The following ULK3 variants were observed in gnomAD, a reference collection of about 807,000 sequenced individuals.
The protein encoded by ULK3 is unc-51 like kinase 3.
ULK3 carries 54 observed loss-of-function variants against 69.4 expected under a neutral mutation model. That is an observed-to-expected ratio of 0.78 (90% CI 0.63 to 0.98). The LOEUF (loss-of-function observed/expected upper bound fraction) is 0.98, where lower values mean the gene tolerates loss of function less well. ULK3 is among the 50% of genes least tolerant of loss of function. The pLI is 0.00. For synonymous variants in ULK3, 240 were observed against 254.5 expected (o/e 0.94, Z 0.54); for missense variants, 558 against 627.7 (o/e 0.89, Z 1.19).
At position 74,836,866 on chromosome 15, in the gene ULK3, G is replaced by A. The variant is rs1031821960; in HGVS notation, c.*362C>T. ...TGCTGGCAGGGCGAGGGCAAGCACA[G>A]AAGTACCCTGCGGGGGCCCCTTGCC... is the stretch of plus-strand genomic sequence containing the variant. On this transcript the variant is annotated 3_prime_UTR_variant, in exon 16 of 16. Transcript: ENST00000440863. This position sits in a 1 kb window ranked among gnomAD's most constrained non-coding sequence, Gnocchi z 4.0. 1.9e-5 allele frequency: 4 copies of A among 208,214 alleles called. No individual in the cohort carries two copies. Among genetic ancestry groups the A allele is most frequent in the African/African-American group, 4.6e-5 (2 of 43,656 alleles). 12.9% of individuals were successfully genotyped at this position (208,214 alleles called of 1,614,324 possible).
At position 74,842,276 on chromosome 15, in the gene ULK3, A is replaced by G; in HGVS notation, c.243+4T>C. On this transcript the variant is annotated splice_donor_region_variant and intron_variant, in intron 2 of 15. Transcript: ENST00000440863. This position sits in a 1 kb window ranked among gnomAD's most constrained non-coding sequence, Gnocchi z 4.9. ...TTGGCAGCGGCCCCGCCCCAGGCTC[A>G]CACCTGAAAGTCTTTCAGCTGCACA... 1 of 1,613,994 alleles carries G rather than the reference A, an allele frequency of 6.2e-7. No homozygotes were observed. Among genetic ancestry groups the G allele is most frequent in the Non-Finnish European group, 8.5e-7 (1 of 1,179,884 alleles).
At position 74,839,624 on chromosome 15, in the gene ULK3, C is replaced by T. The variant is rs189094713; in HGVS notation, c.786G>A (p.Gln262=). The T allele has an allele frequency of 3.7e-4, 579 of 1,560,842 alleles. 3 individuals carry two copies. In the East Asian group the frequency reaches 9.8e-3, roughly 26 times the overall value. ...CCACCCAGGGGTGCGCAAAAAAGTCCTGGAAGGAGATGCGACGGCTGGGGT... is the reference window on the plus strand; with the variant it reads ...CCACCCAGGGGTGCGCAAAAAAGTCTTGGAAGGAGATGCGACGGCTGGGGT... ...ERDPSRRISF[Q]DFFAHPWVDL... is the part of the protein sequence containing the mutation. The change falls in exon 7 of 16, where the codon CAG becomes CAA. Residue 262 remains glutamine (Q), a synonymous_variant. Transcript: ENST00000440863.
intron 4 of ULK3, among the ~76,000 whole-genome samples, chr15:74,841,149 C>A (rs2064232211): frequency 6.6e-6 from 1 of 152,334 alleles, no homozygotes; most frequent in South Asian, 2.1e-4. Context: ...GACCCCTAAA[C>A]CTGGACACAC....
chr15:74,838,326 C>T lies in ULK3; in HGVS notation c.1186G>A (p.Glu396Lys), dbSNP rs1223226650. The change falls in exon 12 of 16, where the codon GAG becomes AAG. Residue 396 changes from glutamate (E) to lysine (K), a missense_variant. Glu to Lys is a moderately conservative substitution (Grantham distance 56, BLOSUM62 1). Transcript: ENST00000440863. The stretch of plus-strand genomic sequence containing the variant: ...TGGTACAGGTCCAGGGCATCCTGCT[C>T]CCCGCCGGCGGCCTCCTCCTGCAGC... ...AMAKEEAAGG[E>K]QDALDLYQHS... 3 of 1,567,328 alleles carry T rather than the reference C, an allele frequency of 1.9e-6. No homozygotes were observed. Among genetic ancestry groups the T allele is most frequent in the Non-Finnish European group, 2.6e-6 (3 of 1,156,304 alleles).
At chr15:74,837,274 G>A in intron 15 of ULK3, 30 bp from the exon 16 acceptor site, 3 of 1,604,914 alleles carry the variant, frequency 1.9e-6, no homozygotes, top group African/African-American at 1.3e-5. Flanking sequence ...AATGGGGGAG[G>A]GTCAGTCTCA....
chr15:74,840,565 G>A lies in ULK3; in HGVS notation c.546C>T (p.Pro182=), dbSNP rs774560480. Residue 182 remains proline, a synonymous_variant, in exon 5 of 16, where the codon CCC becomes CCT. Coordinates refer to ENST00000440863, the MANE Select transcript of ULK3 (RefSeq NM_001099436.4). Reference sequence around the variant, plus strand: ...CATACTGCCGCTGGCACACCATCTCGGGGGCCATGTAGAGGGGGGAGCCAC... The same window carrying A: ...CATACTGCCGCTGGCACACCATCTCAGGGGCCATGTAGAGGGGGGAGCCAC... ...VLRGSPLYMA[P]EMVCQRQYDA... is the part of the protein sequence containing the mutation. 7 of 1,610,610 alleles carry A rather than the reference G, an allele frequency of 4.3e-6. No homozygotes were observed. The highest frequency in any genetic ancestry group is 4.5e-5 in the East Asian group (2 of 44,838).
chr15:74,839,394 G>C, intron 7 of ULK3, 21 bp from the exon 8 acceptor site: 1 of 1,553,096 alleles, frequency 6.4e-7, no homozygotes, highest in South Asian at 1.2e-5. Flanking sequence ...GCAGATCAGG[G>C]GTCAGGTCCA....
chr15:74,840,575 T>G lies in ULK3; in HGVS notation c.536A>C (p.Tyr179Ser). ...CTGGCACACCATCTCGGGGGCCATG[T>G]AGAGGGGGGAGCCACGGAGCACGTG... is the stretch of plus-strand genomic sequence containing the variant. ...EKHVLRGSPL[Y>S]MAPEMVCQRQ... The change falls in exon 5 of 16, where the codon TAC (tyrosine) becomes TCC (serine). Residue 179 changes from tyrosine (Y) to serine (S), a missense_variant. Transcript: ENST00000440863. The G allele has an allele frequency of 1.9e-6, 3 of 1,609,194 alleles. No homozygotes were observed. The highest frequency in any genetic ancestry group is 2.5e-6 in the Non-Finnish European group (3 of 1,178,476).
chr15:74,838,320 C>T lies in ULK3; in HGVS notation c.1192G>A (p.Asp398Asn). 6.4e-7 allele frequency: 1 copy of T among 1,566,746 alleles called. No individual in the cohort carries two copies. Residue 398 changes from aspartate (D) to asparagine (N), a missense_variant, in exon 12 of 16, where the codon GAT becomes AAT. Coordinates refer to ENST00000440863, the MANE Select transcript of ULK3 (RefSeq NM_001099436.4). ...CTGTGCTGGTACAGGTCCAGGGCAT[C>T]CTGCTCCCCGCCGGCGGCCTCCTCC... is the stretch of plus-strand genomic sequence containing the variant. ...AKEEAAGGEQDALDLYQHSLG... is the reference protein window; with the variant it reads ...AKEEAAGGEQNALDLYQHSLG...
Position 74,842,581 on chromosome 15 carries a change from A to G in ULK3, c.103-161T>C. 2 of 1,557,222 alleles carry G rather than the reference A, an allele frequency of 1.3e-6. No individual in the cohort carries two copies. Among genetic ancestry groups the G allele is most frequent in the Non-Finnish European group, 1.7e-6 (2 of 1,159,804 alleles). On this transcript the variant is annotated intron_variant, in intron 1 of 15. Coordinates refer to ENST00000440863, the MANE Select transcript of ULK3 (RefSeq NM_001099436.4). The surrounding 1 kb of genome is among the most constrained non-coding windows in gnomAD (Gnocchi z 4.9). The stretch of plus-strand genomic sequence containing the variant: ...CTTCCCAGCTTTCCCTTGTGAGGCC[A>G]GTGAGGAATGCTGATTCTGGAATCC...
Position 74,840,292 on chromosome 15 carries a change from AAGGGGGGCTGCCCGAAG to A in ULK3, c.621_637del (p.Phe208CysfsTer14). On this transcript the variant is annotated frameshift_variant, in exon 6 of 16. Coordinates refer to ENST00000440863, the MANE Select transcript of ULK3 (RefSeq NM_001099436.4). LOFTEE classifies it high-confidence loss of function. The stretch of plus-strand genomic sequence containing the variant: ...CAGCTCCGAGAACGACCTGGAGGCA[AAGGGGGGCTGCCCGAAG>A]AGGGCTTCTGTGGAAGGGAGGCAGA... 1 of 1,610,836 alleles carries A rather than the reference AAGGGGGGCTGCCCGAAG, an allele frequency of 6.2e-7. No homozygotes were observed. The highest frequency in any genetic ancestry group is 8.5e-7 in the Non-Finnish European group (1 of 1,178,692).
At position 74,842,680 on chromosome 15, in the gene ULK3, G is replaced by A. The variant is rs2064304660; in HGVS notation, c.103-260C>T. 7.8e-6 allele frequency: 12 copies of A among 1,535,362 alleles called. No individual in the cohort carries two copies. Among genetic ancestry groups the A allele is most frequent in the Non-Finnish European group, 1.0e-5 (12 of 1,146,576 alleles). The stretch of plus-strand genomic sequence containing the variant: ...CTGATCCATTTCTTTGCATTCTGGA[G>A]TGCTCCCGGCAGAGGCATGTCACTC... On this transcript the variant is annotated intron_variant, in intron 1 of 15. Transcript: ENST00000440863. This position sits in a 1 kb window ranked among gnomAD's most constrained non-coding sequence, Gnocchi z 4.9.
chr15:74,838,692 G>T lies in ULK3; in HGVS notation c.1053C>A (p.Ser351=). 6.2e-7 allele frequency: 1 copy of T among 1,612,816 alleles called. No homozygotes were observed. Among genetic ancestry groups the T allele is most frequent in the Non-Finnish European group, 8.5e-7 (1 of 1,179,392 alleles). The change falls in exon 10 of 16, where the codon TCC becomes TCA. Residue 351 remains serine, a synonymous_variant. Transcript: ENST00000440863. ...TCCCCTGCCTCAGCAGGGCCTGATT[G>T]GAAGAGGAGACGATGGCCTTGAGCT... ...AEELKAIVSS[S]NQALLRQGTS...
In ULK3 at chr15:74,843,118, C is replaced by T; in HGVS notation, c.-13G>A. 7.9e-7 allele frequency: 1 copy of T among 1,272,038 alleles called. No homozygotes were observed. Among genetic ancestry groups the T allele is most frequent in the East Asian group, 3.2e-5 (1 of 31,322 alleles). The allele number at this position is 1,272,038 out of a possible 1,614,324, so 78.8% of individuals were successfully genotyped here. ...CGGGCCCCGCCATTCCGGCCGCCTG[C>T]GCCCGCGCGGGCGCTTCCTCGCTGC... On this transcript the variant is annotated 5_prime_UTR_variant, in exon 1 of 16. Coordinates refer to ENST00000440863, the MANE Select transcript of ULK3 (RefSeq NM_001099436.4).
chr15:74,841,585 T>A, intron 3 of ULK3, 76 bp from the exon 4 acceptor site: 1 of 1,268,858 alleles, frequency 7.9e-7, no homozygotes, highest in Non-Finnish European at 1.1e-6. Flanking sequence ...GGCTCACATC[T>A]GCCTCCTCAA....
chr15:74,838,239 GTGGGGGGCATAAA>G lies in ULK3; in HGVS notation c.1246+14_1246+26del. The G allele has an allele frequency of 1.9e-6, 3 of 1,564,390 alleles. No homozygotes were observed. Among genetic ancestry groups the G allele is most frequent in the Non-Finnish European group, 2.6e-6 (3 of 1,154,810 alleles). On this transcript the variant is annotated intron_variant, in intron 12 of 15. Transcript: ENST00000440863. ...TGAGGACAGGGTGGCCAGAGGCCCT[GTGGGGGGCATAAA>G]TGGGGGCCCTCACCTGCCAGCAACA...
intron 13 of ULK3, 76 bp from the exon 14 acceptor site, chr15:74,837,874 C>A (rs2064082954): frequency 2.1e-6 from 3 of 1,414,898 alleles, no homozygotes; most frequent in Admixed American, 2.0e-5. Context: ...CTCCTCCTCA[C>A]CCCTGATGCT....
intron 5 of ULK3, 58 bp downstream of exon 5, chr15:74,840,440 G>T (rs1192671649): frequency 6.4e-7 from 1 of 1,573,566 alleles, no homozygotes; most frequent in South Asian, 1.2e-5. Context: ...GGCCCAGAGA[G>T]GCCTTGCCTG....
chr15:74,838,004 C>T (rs980062133), intron 13 of ULK3, 148 bp downstream of exon 13: 2 of 1,352,946 alleles, frequency 1.5e-6, no homozygotes, highest in Non-Finnish European at 2.0e-6. Flanking sequence ...ACTGCCCTGT[C>T]TGAGCACCCC....
Sources: allele counts gnomAD v4.1 joint callset (sites outside exome capture counted in the v4.1 genomes callset), GRCh38; gene constraint gnomAD v4.1.1; non-coding constraint Gnocchi (gnomAD v3.1); transcripts MANE v1.5; gene names NCBI Gene and HGNC (gene_info 2026-07-23, HGNC 2026-07-21).